The following ABR variants were observed in gnomAD, a reference collection of about 807,000 sequenced individuals.
ABR encodes active breakpoint cluster region-related protein.
ABR carries 35 observed loss-of-function variants against 107.2 expected under a neutral mutation model. The ratio of observed to expected loss-of-function variants is 0.33; its 90% CI spans 0.25 to 0.43. ABR has a LOEUF of 0.43. Ranked by LOEUF, ABR falls within the 20% of genes least tolerant of loss-of-function variation. The probability of loss-of-function intolerance (pLI) is 1.00; values close to 1 mark genes in which losing one functional copy is unlikely to be tolerated. For synonymous variants in ABR, 498 were observed against 462.0 expected, an observed-to-expected ratio of 1.08 and a Z score of -1.00; for missense variants, 815 against 1,115.2, an observed-to-expected ratio of 0.73 and a Z score of 3.83.
intron 1 of ABR, among the ~76,000 whole-genome samples, chr17:1,192,864 T>A (rs1056577468): frequency 6.6e-6 from 1 of 151,774 alleles, no homozygotes; most frequent in Non-Finnish European, 1.5e-5. Flanking sequence ...GCCTGACCAA[T>A]ATGGTGAAAC....
chr17:1,031,913 CT>C (rs2072835052), intron 16 of ABR: 1 of 1,070,428 alleles, frequency 9.3e-7, no homozygotes, highest in Non-Finnish European at 1.2e-6. Context: ...TCCCTCCTCC[CT>C]CCTCCCTCCT....
At chr17:1,047,229 C>T (rs2031759118) in intron 16 of ABR, among the ~76,000 whole-genome samples, 1 of 152,270 alleles carries the variant, frequency 6.6e-6, no homozygotes, top group Non-Finnish European at 1.5e-5. Flanking sequence ...ACTATGTCCT[C>T]AGCGCCTGCT....
At chr17:1,202,648 G>A (rs955474950) in intron 1 of ABR, among the ~76,000 whole-genome samples, 1 of 152,028 alleles carries the variant, frequency 6.6e-6, no homozygotes, top group Admixed American at 6.6e-5. Flanking sequence ...ATGAAATGAA[G>A]ACCCTGTTAG....
intron 16 of ABR, among the ~76,000 whole-genome samples, chr17:1,016,379 C>G (rs1160212068): frequency 6.7e-6 from 1 of 148,528 alleles, no homozygotes. Flanking sequence ...TGCAGTGGTG[C>G]AGTCTCGGCT....
intron 1 of ABR, among the ~76,000 whole-genome samples, chr17:1,161,828 G>T (rs555049709): frequency 2.6e-4 from 39 of 151,814 alleles, no homozygotes; most frequent in African/African-American, 3.9e-4. Flanking sequence ...GTGCTGGGAT[G>T]ACAGGTGTGA....
At chr17:1,125,754 A>G (rs2039571031) in intron 1 of ABR, 1 of 268,264 alleles carries the variant, frequency 3.7e-6, no homozygotes, top group Admixed American at 5.5e-5. Flanking sequence ...TTTGCTTTTT[A>G]TAGGGAATAA....
At position 1,037,445 on chromosome 17, in the gene ABR, C is replaced by G. The variant is rs2073281298; in HGVS notation, c.1791+12605G>C. Among the ~76,000 whole-genome samples, 1 of 152,228 alleles carries G rather than the reference C, an allele frequency of 6.6e-6. No homozygotes were observed. Among genetic ancestry groups the G allele is most frequent in the Admixed American group, 6.5e-5 (1 of 15,288 alleles). On this transcript the variant is annotated intron_variant, in intron 16 of 22. Transcript: ENST00000302538. This position sits in a 1 kb window ranked among gnomAD's most constrained non-coding sequence, Gnocchi z 4.6. ...AGGCTGAAACAGCCCAAGAGCTTGT[C>G]TGCTGCAGGAGAAGTGTCCCGACAG...
intron 21 of ABR, among the ~76,000 whole-genome samples, chr17:1,009,285 C>T (rs2070330475): frequency 7.9e-6 from 1 of 127,190 alleles, no homozygotes; most frequent in Non-Finnish European, 1.6e-5. Context: ...CTGCTGTCCA[C>T]CCCCCACTGC....
chr17:1,204,634 G>C (rs917195000), intron 1 of ABR, among the ~76,000 whole-genome samples: 1 of 152,138 alleles, frequency 6.6e-6, no homozygotes, highest in African/African-American at 2.4e-5. Context: ...ACGGCCTATA[G>C]TATTCAGTAT....
At chr17:1,094,847 G>A (rs1422328243) in intron 3 of ABR, among the ~76,000 whole-genome samples, 2 of 145,610 alleles carry the variant, frequency 1.4e-5, no homozygotes, top group Non-Finnish European at 3.1e-5. Context: ...AGGTGGAGGA[G>A]TGGGGGCGTA....
chr17:1,159,158 G>A (rs902765901), intron 1 of ABR, among the ~76,000 whole-genome samples: 1 of 152,228 alleles, frequency 6.6e-6, no homozygotes, highest in African/African-American at 2.4e-5. Context: ...GAACTCTCAG[G>A]AGTCCAAGAG....
At position 1,070,703 on chromosome 17, in the gene ABR, T is replaced by A. The variant is rs566223184; in HGVS notation, c.895-613A>T. ...CCCAGAGGGGACCTGCAGCCAACTC[T>A]AACCTGGGCTCTGGGTGGTTTCTGC... On this transcript the variant is annotated intron_variant, in intron 8 of 22. Coordinates refer to ENST00000302538, the MANE Select transcript of ABR (RefSeq NM_021962.5). This position sits in a 1 kb window ranked among gnomAD's most constrained non-coding sequence, Gnocchi z 4.2. 6.6e-6 allele frequency among the ~76,000 whole-genome samples: 1 copy of A among 152,096 alleles called. No homozygotes were observed. Among genetic ancestry groups the A allele is most frequent in the African/African-American group, 2.4e-5 (1 of 41,486 alleles).
rs1240569607 is a variant in ABR at position 1,154,507 on chromosome 17, A to C, written c.61+25160T>G. 6.6e-6 allele frequency: 1 copy of C among 151,200 alleles called. No individual in the cohort carries two copies. The highest frequency in any genetic ancestry group is 1.5e-5 in the Non-Finnish European group (1 of 67,956). The allele number at this position is 151,200 out of a possible 1,614,324, so 9.4% of individuals were successfully genotyped here. On this transcript the variant is annotated intron_variant, in intron 1 of 22. Transcript: ENST00000302538. This position sits in a 1 kb window ranked among gnomAD's most constrained non-coding sequence, Gnocchi z 4.0. ...CCCCTTCCTCCCAGCTTTCCATCCC[A>C]CTCCACAAGGGTGTCTGGCTGCCCT...
In ABR at chr17:1,076,431, C is replaced by G. The variant is rs571259179; in HGVS notation, c.701-2754G>C. 3.3e-5 allele frequency among the ~76,000 whole-genome samples: 5 copies of G among 152,180 alleles called. No individual in the cohort carries two copies. The South Asian group carries it at 1.0e-3, about 32-fold the overall frequency. On this transcript the variant is annotated intron_variant, in intron 6 of 22. Transcript: ENST00000302538. Reference sequence around the variant, plus strand: ...CCATCTTCAGGGGGAAAAAATCACACTGGAGAACCCCAGAGACCCAAAAGA... The same window carrying G: ...CCATCTTCAGGGGGAAAAAATCACAGTGGAGAACCCCAGAGACCCAAAAGA...
chr17:1,116,825 C>A (rs1287771671), intron 2 of ABR, among the ~76,000 whole-genome samples: 2 of 152,162 alleles, frequency 1.3e-5, no homozygotes, highest in African/African-American at 4.8e-5. Flanking sequence ...GGGTCCAGCT[C>A]GTGTCCTTCT....
At chr17:1,129,226 T>C (rs2039719768) in intron 1 of ABR, among the ~76,000 whole-genome samples, 1 of 152,134 alleles carries the variant, frequency 6.6e-6, no homozygotes, top group African/African-American at 2.4e-5. Context: ...AAATACCTAA[T>C]GCACGAGGGG....
Position 1,056,064 on chromosome 17 carries a change from T to C in ABR, c.1532A>G (p.His511Arg). ...TGATTGCTTAAATCCCTTGGCAGAG[T>C]GGACGATGACATGAAGGAAGCCATA... The part of the protein sequence containing the change: ...GLYGFLHVIV[H>R]SAKGFKQSAN... Residue 511 changes from histidine (H) to arginine (R), a missense_variant, in exon 14 of 23, where the codon CAC becomes CGC. His to Arg is a conservative substitution (Grantham distance 29). Transcript: ENST00000302538. The C allele has an allele frequency of 1.2e-6, 2 of 1,614,024 alleles. No individual in the cohort carries two copies. The highest frequency in any genetic ancestry group is 1.7e-6 in the Non-Finnish European group (2 of 1,179,978).
intron 6 of ABR, 26 bp downstream of exon 6, chr17:1,079,304 G>T (rs576368755): frequency 1.2e-6 from 2 of 1,610,050 alleles, no homozygotes; most frequent in African/African-American, 2.7e-5. Context: ...GTAGGTGCCT[G>T]TAATCCAGCC....
intron 1 of ABR, among the ~76,000 whole-genome samples, chr17:1,226,926 C>T (rs2043232705): frequency 0.011 from 1 of 88 alleles, no homozygotes; most frequent in Non-Finnish European, 0.025. Flanking sequence ...CTCACTTCCT[C>T]ACGAGGAGGC....
Sources: gnomAD v4.1 joint callset for allele counts (sites outside exome capture counted in the v4.1 genomes callset) on GRCh38, gnomAD v4.1.1 for gene constraint, Gnocchi (gnomAD v3.1) non-coding constraint, MANE v1.5 for transcripts, NCBI Gene and HGNC (gene_info 2026-07-23, HGNC 2026-07-21) for gene names.